Variants in LDHB observed in about 807,000 individuals in gnomAD.
LDHB encodes L-lactate dehydrogenase B chain.
Under a neutral mutation model 33.4 loss-of-function variants are expected in LDHB, and 18 were observed. The observed-to-expected ratio is 0.54, with a 90% confidence interval of 0.37 to 0.80. The LOEUF is 0.80. Ranked by LOEUF, LDHB falls within the 30% of genes least tolerant of loss-of-function variation. The pLI, the probability that LDHB is intolerant of heterozygous loss-of-function variation, is 0.00. For missense variants in LDHB, 345 were observed against 407.9 expected, an observed-to-expected ratio of 0.85 and a Z score of 1.33; for synonymous variants, 121 against 140.6, an observed-to-expected ratio of 0.86 and a Z score of 0.98.
At chr12:21,647,643 C>T (rs1269781528) in intron 2 of LDHB, among the ~76,000 whole-genome samples, 1 of 152,110 alleles carries the variant, frequency 6.6e-6, no homozygotes, top group African/African-American at 2.4e-5. Flanking sequence ...ATTCAAAATA[C>T]AATCTAAAGT....
intron 2 of LDHB, chr12:21,654,281 A>T (rs999184183): frequency 4.8e-5 from 22 of 457,114 alleles, no homozygotes; most frequent in Admixed American, 2.5e-4. Flanking sequence ...TTAAATGTTA[A>T]TAGTGTATAC....
intron 2 of LDHB, among the ~76,000 whole-genome samples, chr12:21,649,744 C>G (rs1250806312): frequency 6.6e-6 from 1 of 152,156 alleles, no homozygotes; most frequent in Non-Finnish European, 1.5e-5. Context: ...CTTCCTCCTC[C>G]TAAGTAATAA....
In LDHB at chr12:21,638,397, A is replaced by T; in HGVS notation, c.669T>A (p.Asn223Lys). ...QELNPEMGTD[N>K]DSENWKEVHK... The stretch of plus-strand genomic sequence containing the variant: ...GCACTTCCTTCCAATTTTCACTATC[A>T]TTGTCAGTTCCCATTTCTGGATTCA... Residue 223 changes from asparagine (N) to lysine (K), a missense_variant, in exon 6 of 8, where the codon AAT becomes AAA. Transcript: ENST00000350669. 6.2e-7 allele frequency: 1 copy of T among 1,610,852 alleles called. No homozygotes were observed. Among genetic ancestry groups the T allele is most frequent in the African/African-American group, 1.3e-5 (1 of 74,600 alleles).
At chr12:21,651,826 C>T (rs1450414912) in intron 2 of LDHB, among the ~76,000 whole-genome samples, 1 of 152,184 alleles carries the variant, frequency 6.6e-6, no homozygotes, top group South Asian at 2.1e-4. Context: ...GTAAAATCAT[C>T]TTTCAACAAG....
chr12:21,654,630 T>C lies in LDHB; in HGVS notation c.42A>G (p.Glu14=). Residue 14 remains glutamate (E), a synonymous_variant, in exon 2 of 8, where the codon GAA becomes GAG. Coordinates refer to ENST00000350669, the MANE Select transcript of LDHB (RefSeq NM_002300.8). ...LKEKLIAPVA[E]EEATVPNNKI... is the part of the protein sequence containing the mutation. ...TATTGTTTGGAACTGTTGCCTCTTC[T>C]TCCGCAACTGGTGCAATGAGTTTTT... The C allele has an allele frequency of 6.2e-7, 1 of 1,614,062 alleles. No homozygotes were observed. Among genetic ancestry groups the C allele is most frequent in the Non-Finnish European group, 8.5e-7 (1 of 1,179,898 alleles).
chr12:21,644,257 TA>T, intron 3 of LDHB, 149 bp from the exon 4 acceptor site: 1 of 631,692 alleles, frequency 1.6e-6, no homozygotes, highest in South Asian at 2.0e-5. Flanking sequence ...GCTTGAAGTT[TA>T]ATGTTCCTGT....
intron 2 of LDHB, among the ~76,000 whole-genome samples, chr12:21,649,579 A>G (rs1397883321): frequency 2.0e-5 from 3 of 152,248 alleles, no homozygotes; most frequent in Non-Finnish European, 4.4e-5. Context: ...GGTCACTTAG[A>G]TACCAAGAAT....
intron 3 of LDHB, among the ~76,000 whole-genome samples, chr12:21,646,274 T>A (rs1365974584): frequency 6.6e-6 from 1 of 152,194 alleles, no homozygotes; most frequent in African/African-American, 2.4e-5. Flanking sequence ...TATAAAAAGA[T>A]AAGAAATCTT....
chr12:21,645,743 G>A (rs932218682), intron 3 of LDHB, among the ~76,000 whole-genome samples: 1 of 152,012 alleles, frequency 6.6e-6, no homozygotes, highest in Admixed American at 6.6e-5. Context: ...AGATACGCCC[G>A]ATAATGATCA....
chr12:21,641,903 A>T, intron 5 of LDHB, 49 bp downstream of exon 5: 1 of 1,509,784 alleles, frequency 6.6e-7, no homozygotes, highest in Middle Eastern at 2.0e-4. Context: ...AAAAATTCAA[A>T]ATGGCAAAAC....
At chr12:21,645,094 A>C (rs565147062) in intron 3 of LDHB, among the ~76,000 whole-genome samples, 1 of 152,224 alleles carries the variant, frequency 6.6e-6, no homozygotes, top group Admixed American at 6.5e-5. Flanking sequence ...GCGCTCCCTG[A>C]AACATGTGCT....
rs968004996 is a variant in LDHB at position 21,643,248 on chromosome 12, A to G, written c.421+687T>C. On this transcript the variant is annotated intron_variant, in intron 4 of 7. Transcript: ENST00000350669. ...AGATAATCAGTCCAGTTTCTTTACT[A>G]TTTTCTCAATGTACCTGCTATGCTC... Among the ~76,000 whole-genome samples, 3 of 152,272 alleles carry G rather than the reference A, an allele frequency of 2.0e-5. 1 individual carries two copies. Among genetic ancestry groups the G allele is most frequent in the Non-Finnish European group, 1.5e-5 (1 of 68,018 alleles).
chr12:21,639,833 T>C (rs1677124), intron 5 of LDHB, among the ~76,000 whole-genome samples: 147,416 of 152,034 alleles, frequency 0.97, 71,624 homozygotes, highest in Middle Eastern at 1. Context: ...AAAATTCAGA[T>C]GAGTCCCTGG....
At chr12:21,644,177 T>C in intron 3 of LDHB, 69 bp from the exon 4 acceptor site, 4 of 1,158,718 alleles carry the variant, frequency 3.5e-6, no homozygotes, top group African/African-American at 1.5e-5. Context: ...CTATATGACA[T>C]GCTCTAAAAG....
chr12:21,648,087 A>G (rs1938579009), intron 2 of LDHB, among the ~76,000 whole-genome samples: 1 of 152,348 alleles, frequency 6.6e-6, no homozygotes, highest in Middle Eastern at 3.4e-3. Context: ...CCTTTCAGCT[A>G]TGAAATTCCA....
chr12:21,654,456 A>G (rs747418124), intron 2 of LDHB, 87 bp downstream of exon 2: 43 of 1,288,820 alleles, frequency 3.3e-5, no homozygotes, highest in Non-Finnish European at 4.6e-5. Flanking sequence ...GAAATCTTTT[A>G]AAGATATAAT....
chr12:21,638,219 C>A, intron 6 of LDHB, 134 bp downstream of exon 6: 2 of 655,958 alleles, frequency 3.0e-6, no homozygotes, highest in Non-Finnish European at 2.7e-6. Context: ...AAAGTCTTAT[C>A]AGTTTCAAAA....
intron 2 of LDHB, among the ~76,000 whole-genome samples, chr12:21,650,168 G>A (rs554272765): frequency 6.0e-5 from 9 of 149,186 alleles, no homozygotes; most frequent in African/African-American, 1.5e-4. Flanking sequence ...CTCTCCAAGT[G>A]TTTAGTATGC....
In LDHB at chr12:21,635,654, G is replaced by T. The variant is rs562118168; in HGVS notation, c.893C>A (p.Ala298Asp). Residue 298 changes from alanine (A) to aspartate (D), a missense_variant, in exon 8 of 8, where the codon GCC becomes GAC. By Grantham distance (126) the Ala-to-Asp change is moderately radical. Transcript: ENST00000350669. ...VFLSLPCILN[A>D]RGLTSVINQK... is the part of the protein sequence containing the mutation. The stretch of plus-strand genomic sequence containing the variant: ...GTTGATAACGCTGGTTAATCCCCGG[G>T]CATTGAGGATACATGGAAGGCTCAG... 1.2e-6 allele frequency: 2 copies of T among 1,613,522 alleles called. No homozygotes were observed. The highest frequency in any genetic ancestry group is 8.5e-7 in the Non-Finnish European group (1 of 1,179,656).
Sources: allele counts gnomAD v4.1 joint callset (sites outside exome capture counted in the v4.1 genomes callset), GRCh38; gene constraint gnomAD v4.1.1; transcripts MANE v1.5; gene names NCBI Gene and HGNC (gene_info 2026-07-23, HGNC 2026-07-21).